The following PCP4 variants were observed in gnomAD, a reference collection of about 807,000 sequenced individuals.
PCP4 encodes the protein calmodulin regulator protein PCP4.
In PCP4, 8 loss-of-function variants were observed where a neutral mutation model predicts 10.0. The ratio of observed to expected loss-of-function variants is 0.80; its 90% CI spans 0.47 to 1.45. The LOEUF (loss-of-function observed/expected upper bound fraction) is 1.45, where lower values mean the gene tolerates loss of function less well. Ranked by LOEUF, PCP4 falls within the 40% of genes most tolerant of loss-of-function variation. The pLI, the probability that PCP4 is intolerant of heterozygous loss-of-function variation, is 0.00. For missense variants in PCP4, 54 were observed against 74.4 expected (o/e 0.73, Z 1.01); for synonymous variants, 21 against 23.0 (o/e 0.91, Z 0.24).
chr21:39,889,717 C>T (rs1440219653), intron 1 of PCP4, among the ~76,000 whole-genome samples: 3 of 152,058 alleles, frequency 2.0e-5, no homozygotes, highest in Non-Finnish European at 4.4e-5. Flanking sequence ...TGCCCAGCCT[C>T]AAACCAAGTT....
intron 1 of PCP4, among the ~76,000 whole-genome samples, chr21:39,876,618 C>A (rs1001440906): frequency 1.6e-4 from 24 of 152,198 alleles, no homozygotes; most frequent in African/African-American, 3.9e-4. Flanking sequence ...CATTGTGGGA[C>A]TCCTACTCTT....
At chr21:39,895,444 T>C (rs2087452464) in intron 1 of PCP4, among the ~76,000 whole-genome samples, 1 of 152,226 alleles carries the variant, frequency 6.6e-6, no homozygotes, top group South Asian at 2.1e-4. Context: ...ACTCAAATCT[T>C]ACTGCCTCCT....
At chr21:39,901,370 C>T (rs983187780) in intron 2 of PCP4, among the ~76,000 whole-genome samples, 1 of 152,220 alleles carries the variant, frequency 6.6e-6, no homozygotes, top group Non-Finnish European at 1.5e-5. Flanking sequence ...CCTTGAGGAG[C>T]CTGAAGACCA....
intron 1 of PCP4, chr21:39,883,595 A>C (rs1393975326): frequency 6.6e-6 from 1 of 152,194 alleles, no homozygotes; most frequent in Non-Finnish European, 1.5e-5. Context: ...CACAAATCTC[A>C]GTATTCTTTG....
intron 1 of PCP4, 91 bp from the exon 2 acceptor site, chr21:39,898,385 T>G (rs1283625167): frequency 1.0e-6 from 1 of 1,002,102 alleles, no homozygotes; most frequent in Admixed American, 1.7e-5. Flanking sequence ...CTTGATATAA[T>G]GCAAGAGATG....
Position 39,915,229 on chromosome 21 carries a change from CAA to C in PCP4, c.62-13743_62-13742del, listed in dbSNP as rs11304096. 7.2e-4 allele frequency among the ~76,000 whole-genome samples: 107 copies of C among 147,610 alleles called. 1 individual carries two copies. Among genetic ancestry groups the C allele is most frequent in the East Asian group, 2.2e-3 (11 of 5,006 alleles). Reference sequence around the variant, plus strand: ...ACTGAATATAAAGGAAGTATTTCTGCAAAAAAAAAAAAATCTCTGGGATTTTT... The same window carrying C: ...ACTGAATATAAAGGAAGTATTTCTGCAAAAAAAAAAATCTCTGGGATTTTT... On this transcript the variant is annotated intron_variant, in intron 2 of 2. Coordinates refer to ENST00000328619, the MANE Select transcript of PCP4 (RefSeq NM_006198.3).
At chr21:39,927,339 G>GTCTA (rs1240545991) in intron 2 of PCP4, among the ~76,000 whole-genome samples, 1,371 of 98,906 alleles carry the variant, frequency 0.014, 16 homozygotes, top group East Asian at 0.063. Flanking sequence ...CTATCTATCT[G>GTCTA]TCTATCTATC....
rs151157552 is a variant in PCP4 at position 39,889,333 on chromosome 21, C to A, written c.10-9143C>A. ...CTTCAGAAGCCTCCTTATTCCCTAA[C>A]CCTTAGGGGTCTTCAAAAGTGGTGA... is the stretch of plus-strand genomic sequence containing the variant. On this transcript the variant is annotated intron_variant, in intron 1 of 2. Transcript: ENST00000328619. 3.4e-4 allele frequency among the ~76,000 whole-genome samples: 51 copies of A among 152,068 alleles called. 2 individuals carry two copies. The East Asian group carries it at 9.7e-3, about 29-fold the overall frequency.
At chr21:39,924,577 T>G (rs2299798) in intron 2 of PCP4, among the ~76,000 whole-genome samples, 56,834 of 151,798 alleles carry the variant, frequency 0.37, 10,737 homozygotes, top group East Asian at 0.49. Context: ...TCACTCTGTT[T>G]CCCAGGCTGG....
chr21:39,927,325 C>G (rs1410199225), intron 2 of PCP4, among the ~76,000 whole-genome samples: 4 of 75,154 alleles, frequency 5.3e-5, no homozygotes, highest in Non-Finnish European at 1.2e-4. Flanking sequence ...TATCTATCAT[C>G]TATCTATCTA....
chr21:39,871,480 A>G (rs1912301619), intron 1 of PCP4, among the ~76,000 whole-genome samples: 1 of 152,228 alleles, frequency 6.6e-6, no homozygotes, highest in African/African-American at 2.4e-5. Flanking sequence ...ACCCAGCAAC[A>G]AAGGTCAAAT....
chr21:39,903,586 G>A (rs1233801846), intron 2 of PCP4, among the ~76,000 whole-genome samples: 7 of 152,046 alleles, frequency 4.6e-5, no homozygotes, highest in Non-Finnish European at 8.8e-5. Flanking sequence ...AGTTTGATTT[G>A]GGCTGGGCGC....
chr21:39,922,198 A>G (rs1003863524), intron 2 of PCP4, among the ~76,000 whole-genome samples: 5 of 152,288 alleles, frequency 3.3e-5, no homozygotes, highest in Middle Eastern at 3.4e-3. Flanking sequence ...CTGGTAGTAT[A>G]ATAGTTCCTA....
At chr21:39,869,192 G>A (rs1396459938) in intron 1 of PCP4, among the ~76,000 whole-genome samples, 1 of 152,210 alleles carries the variant, frequency 6.6e-6, no homozygotes, top group African/African-American at 2.4e-5. Flanking sequence ...CAGCTACCCT[G>A]GGATTCTGGC....
chr21:39,873,359 A>G (rs1271322028), intron 1 of PCP4, among the ~76,000 whole-genome samples: 1 of 152,214 alleles, frequency 6.6e-6, no homozygotes, highest in South Asian at 2.1e-4. Flanking sequence ...TATTGCAAGG[A>G]AATAATTTAA....
chr21:39,915,998 G>T (rs2087566754), intron 2 of PCP4: 1 of 152,182 alleles, frequency 6.6e-6, no homozygotes. Flanking sequence ...TATCTGAATT[G>T]TTGGATGACT....
At chr21:39,885,180 A>G (rs2087394015) in intron 1 of PCP4, among the ~76,000 whole-genome samples, 1 of 152,218 alleles carries the variant, frequency 6.6e-6, no homozygotes, top group Non-Finnish European at 1.5e-5. Context: ...GATTCTGAAC[A>G]GCAGCCTTAG....
chr21:39,927,290 C>CTA (rs1405844210), intron 2 of PCP4, among the ~76,000 whole-genome samples: 1 of 115,742 alleles, frequency 8.6e-6, no homozygotes, highest in Non-Finnish European at 2.0e-5. Flanking sequence ...ATCTATCTAT[C>CTA]TATCTATCTA....
chr21:39,924,741 A>G (rs1055507636), intron 2 of PCP4, among the ~76,000 whole-genome samples: 15 of 151,998 alleles, frequency 9.9e-5, no homozygotes, highest in Non-Finnish European at 1.8e-4. Flanking sequence ...TTTTGTAGAA[A>G]CGGTGTCTCC....
Sources: gnomAD v4.1 joint callset for allele counts (sites outside exome capture counted in the v4.1 genomes callset) on GRCh38, gnomAD v4.1.1 for gene constraint, MANE v1.5 for transcripts, NCBI Gene and HGNC (gene_info 2026-07-23, HGNC 2026-07-21) for gene names.